Variants in MCTP1 observed in about 807,000 individuals in gnomAD.
The protein encoded by MCTP1 is multiple C2 and transmembrane domain-containing protein 1.
A neutral mutation model predicts 120.6 loss-of-function variants in MCTP1; 69 were observed. The ratio of observed to expected loss-of-function variants is 0.57; its 90% CI spans 0.47 to 0.70. The LOEUF (loss-of-function observed/expected upper bound fraction) is 0.70, where lower values mean the gene tolerates loss of function less well. Among genes scored for constraint, MCTP1 ranks in the 30% least tolerant of loss-of-function variants. The pLI, the probability that MCTP1 is intolerant of heterozygous loss-of-function variation, is 0.00. For synonymous variants in MCTP1, 529 were observed against 493.1 expected (o/e 1.07, Z -0.96); for missense variants, 1,203 against 1,248.8 (o/e 0.96, Z 0.55).
At position 94,929,511 on chromosome 5, in the gene MCTP1, G is replaced by A. The variant is rs1400832504; in HGVS notation, c.1212+2442C>T. On this transcript the variant is annotated intron_variant, in intron 6 of 22. Coordinates refer to ENST00000515393, the MANE Select transcript of MCTP1 (RefSeq NM_024717.7). ...CACCCTATTTCCAAAAATAAAAAAC[G>A]AAAAATCTGTACTCAGACAAGAATT... The A allele has an allele frequency of 3.1e-5, 13 of 421,344 alleles. No individual in the cohort carries two copies. The Admixed American group carries it at 5.1e-4, about 17-fold the overall frequency. 26.1% of individuals were successfully genotyped at this position (421,344 alleles called of 1,614,324 possible).
chr5:94,856,591 CTG>C (rs1264654723), intron 17 of MCTP1, among the ~76,000 whole-genome samples: 4 of 151,196 alleles, frequency 2.6e-5, no homozygotes, highest in African/African-American at 9.7e-5. Context: ...TTTAGGAAGA[CTG>C]TGTAAAAAAA....
chr5:94,966,669 C>T (rs1424749345), intron 2 of MCTP1, among the ~76,000 whole-genome samples: 1 of 152,098 alleles, frequency 6.6e-6, no homozygotes, highest in African/African-American at 2.4e-5. Flanking sequence ...GTGGCGGGCA[C>T]CTGTAGTCCC....
chr5:94,981,018 T>C (rs1418273250), intron 2 of MCTP1: 1 of 152,122 alleles, frequency 6.6e-6, no homozygotes, highest in African/African-American at 2.4e-5. Context: ...CCTTCACCCC[T>C]TATGCTAAAA....
rs1309987100 is a variant in MCTP1 at position 95,095,055 on chromosome 5, G to A, written c.721-77571C>T. The stretch of plus-strand genomic sequence containing the variant: ...TTTTTTTTTTTTGAGACGGAGTCTC[G>A]CTCTGTCGCCCAGGCTGGAGTGCAG... On this transcript the variant is annotated intron_variant, in intron 1 of 22. Coordinates refer to ENST00000515393, the MANE Select transcript of MCTP1 (RefSeq NM_024717.7). 1.5e-3 allele frequency among the ~76,000 whole-genome samples: 151 copies of A among 98,912 alleles called. 2 individuals are homozygous for A. Among genetic ancestry groups the A allele is most frequent in the African/African-American group, 5.0e-3 (118 of 23,680 alleles). The allele number at this position is 98,912 out of a possible 152,430, so 64.9% of individuals were successfully genotyped here.
chr5:95,080,974 T>C (rs1345832687), intron 1 of MCTP1, among the ~76,000 whole-genome samples: 1 of 152,224 alleles, frequency 6.6e-6, no homozygotes, highest in Non-Finnish European at 1.5e-5. Context: ...TAATAATTAC[T>C]AAGACTACTT....
Position 95,178,232 on chromosome 5 carries a change from C to A in MCTP1, c.720+105624G>T, listed in dbSNP as rs138486690. 5.2e-3 allele frequency among the ~76,000 whole-genome samples: 794 copies of A among 152,326 alleles called. 5 individuals are homozygous for A. Among genetic ancestry groups the A allele is most frequent in the Non-Finnish European group, 7.8e-3 (533 of 68,016 alleles). On this transcript the variant is annotated intron_variant, in intron 1 of 22. Coordinates refer to ENST00000515393, the MANE Select transcript of MCTP1 (RefSeq NM_024717.7). ...AGACTCTGAGATCAGACAGGCCTAT[C>A]CTTGTCCCCACCTAGTGGTCTTTCT...
At chr5:95,043,321 A>T (rs1444932528) in intron 1 of MCTP1, among the ~76,000 whole-genome samples, 1 of 151,870 alleles carries the variant, frequency 6.6e-6, no homozygotes, top group African/African-American at 2.4e-5. Context: ...TCCCTCCAAA[A>T]CTCCTTTTGC....
At chr5:94,828,291 C>G (rs1787700631) in intron 17 of MCTP1, among the ~76,000 whole-genome samples, 2 of 152,194 alleles carry the variant, frequency 1.3e-5, no homozygotes, top group East Asian at 3.9e-4. Flanking sequence ...GGCTGCAGAA[C>G]AGCAAAGATT....
intron 1 of MCTP1, among the ~76,000 whole-genome samples, chr5:95,076,834 G>T (rs911163729): frequency 3.9e-5 from 6 of 152,064 alleles, no homozygotes; most frequent in African/African-American, 1.4e-4. Flanking sequence ...GACTCCTTTG[G>T]GTCAAAGCCA....
intron 22 of MCTP1, among the ~76,000 whole-genome samples, chr5:94,707,882 G>GTGTT (rs1266117637): frequency 6.6e-6 from 1 of 151,270 alleles, no homozygotes; most frequent in Non-Finnish European, 1.5e-5. Flanking sequence ...AATTTATCGT[G>GTGTT]TGTTTGCTTA....
chr5:94,878,966 AG>A (rs1799488612), intron 12 of MCTP1, among the ~76,000 whole-genome samples: 1 of 152,032 alleles, frequency 6.6e-6, no homozygotes, highest in African/African-American at 2.4e-5. Flanking sequence ...AAAGAACTGA[AG>A]GGGGTAAAGG....
At chr5:94,929,811 G>A in intron 6 of MCTP1, 1 of 316,660 alleles carries the variant, frequency 3.2e-6, no homozygotes, top group Non-Finnish European at 4.6e-6. Context: ...AATGTTTTAG[G>A]GCACAGTAAA....
At chr5:95,209,032 A>T (rs1752013427) in intron 1 of MCTP1, among the ~76,000 whole-genome samples, 1 of 152,174 alleles carries the variant, frequency 6.6e-6, no homozygotes, top group African/African-American at 2.4e-5. Flanking sequence ...GACACAACAT[A>T]AACAGACCTT....
intron 1 of MCTP1, among the ~76,000 whole-genome samples, chr5:95,099,268 A>G (rs1423918381): frequency 6.6e-6 from 1 of 152,222 alleles, no homozygotes; most frequent in Non-Finnish European, 1.5e-5. Flanking sequence ...CAAAATTGAC[A>G]AATGGGATCT....
intron 3 of MCTP1, among the ~76,000 whole-genome samples, chr5:94,946,049 A>T (rs1484918714): frequency 6.6e-6 from 1 of 152,226 alleles, no homozygotes; most frequent in Non-Finnish European, 1.5e-5. Flanking sequence ...GAGCAGGAAA[A>T]CCAGGAGAGT....
chr5:94,983,456 A>T lies in MCTP1; in HGVS notation c.839-30095T>A, dbSNP rs182479574. ...TGTAACTAAGTTTTCTTTCTTATAA[A>T]TGGTATCAGTGTATTGGCTAGAGGC... is the stretch of plus-strand genomic sequence containing the variant. On this transcript the variant is annotated intron_variant, in intron 2 of 22. Coordinates refer to ENST00000515393, the MANE Select transcript of MCTP1 (RefSeq NM_024717.7). Among the ~76,000 whole-genome samples, 261 of 152,302 alleles carry T rather than the reference A, an allele frequency of 1.7e-3. 5 individuals carry two copies. Among genetic ancestry groups the T allele is most frequent in the Admixed American group, 0.016 (237 of 15,288 alleles).
At position 94,946,282 on chromosome 5, in the gene MCTP1, G is replaced by A. The variant is rs11959750; in HGVS notation, c.982-3855C>T. On this transcript the variant is annotated intron_variant, in intron 3 of 22. Transcript: ENST00000515393. The stretch of plus-strand genomic sequence containing the variant: ...CAAGTCTAGTGGGGAAGCGTGAGCT[G>A]CTTTGTCCCAGCATTCCCAGCAAAG... Among the ~76,000 whole-genome samples the A allele has an allele frequency of 7.3e-3, 1,112 of 152,200 alleles. 13 individuals are homozygous for A. Among genetic ancestry groups the A allele is most frequent in the African/African-American group, 0.026 (1,073 of 41,536 alleles).
At chr5:95,169,927 A>G (rs563770324) in intron 1 of MCTP1, among the ~76,000 whole-genome samples, 1 of 151,170 alleles carries the variant, frequency 6.6e-6, no homozygotes, top group East Asian at 1.9e-4. Context: ...TATTTCTTGC[A>G]CAACTTTTCT....
chr5:95,275,546 C>A (rs1472691293), intron 1 of MCTP1, among the ~76,000 whole-genome samples: 1 of 152,188 alleles, frequency 6.6e-6, no homozygotes, highest in East Asian at 1.9e-4. Context: ...GTATGAGACA[C>A]ATATGTAATT....
Sources: gnomAD v4.1 joint callset for allele counts (sites outside exome capture counted in the v4.1 genomes callset) on GRCh38, gnomAD v4.1.1 for gene constraint, MANE v1.5 for transcripts, NCBI Gene and HGNC (gene_info 2026-07-23, HGNC 2026-07-21) for gene names.